Variants in SOCS2 observed in about 807,000 individuals in gnomAD.
SOCS2 encodes the protein suppressor of cytokine signaling 2.
A neutral mutation model predicts 18.6 loss-of-function variants in SOCS2; 10 were observed. The ratio of observed to expected loss-of-function variants is 0.54; its 90% confidence interval spans 0.33 to 0.91. The LOEUF is 0.91. Among genes scored for constraint, SOCS2 ranks in the 40% least tolerant of loss-of-function variants. SOCS2 has a pLI of 0.02. For synonymous variants in SOCS2, 104 were observed against 104.0 expected, an observed-to-expected ratio of 1.00 and a Z score of 0.00; for missense variants, 231 against 247.2, an observed-to-expected ratio of 0.93 and a Z score of 0.44.
the SOCS2 span, among the ~76,000 whole-genome samples, chr12:93,604,682 C>A: frequency 2.0e-5 from 3 of 151,888 alleles, no homozygotes; most frequent in Non-Finnish European, 4.4e-5. Context: ...TTTTTTGAGA[C>A]AGGGTTTCGT....
chr12:93,603,149 A>G, the SOCS2 span, among the ~76,000 whole-genome samples: 2 of 152,154 alleles, frequency 1.3e-5, no homozygotes, highest in African/African-American at 4.8e-5. Flanking sequence ...TTGCTTGCAA[A>G]AAATAGCTGG....
rs1308510854 is a variant in SOCS2, at chr12:93,574,488, A to T, written c.140-234A>T. ...AAGAGCTTCAGAAAGTTGATTTTTTAAAAAAGAAAGAAAACTGGCTCGCCG... is the reference window on the plus strand; with the variant it reads ...AAGAGCTTCAGAAAGTTGATTTTTTTAAAAAGAAAGAAAACTGGCTCGCCG... On this transcript the variant is annotated intron_variant, in intron 1 of 1. Transcript: ENST00000551556. 9 of 375,224 alleles carry T rather than the reference A, an allele frequency of 2.4e-5. No individual in the cohort carries two copies. In the East Asian group the frequency reaches 3.4e-4, roughly 14 times the overall value. The allele number at this position is 375,224 out of a possible 1,614,324, so 23.2% of individuals were successfully genotyped here. A position where few individuals can be genotyped will look rare whatever the true frequency, so the allele number is the denominator to read the frequency against.
the SOCS2 span, among the ~76,000 whole-genome samples, chr12:93,619,106 C>T: frequency 0.018 from 2,759 of 152,316 alleles, 100 homozygotes; most frequent in African/African-American, 0.063. Flanking sequence ...GCTATCCCCA[C>T]CGGTAGAACT....
At chr12:93,591,863 G>T in the SOCS2 span, among the ~76,000 whole-genome samples, 3 of 152,306 alleles carry the variant, frequency 2.0e-5, no homozygotes, top group East Asian at 5.8e-4. Context: ...ATCTTTTCAC[G>T]TAGTCTTAAG....
chr12:93,618,268 T>C, the SOCS2 span, among the ~76,000 whole-genome samples: 3 of 152,192 alleles, frequency 2.0e-5, no homozygotes, highest in Non-Finnish European at 4.4e-5. Context: ...CTCTTTTCTT[T>C]ATAAATTACC....
downstream of SOCS2, among the ~76,000 whole-genome samples, chr12:93,583,783 G>A (rs1324723266): frequency 6.6e-6 from 1 of 152,198 alleles, no homozygotes. Context: ...ATTTACTAAT[G>A]CCAGGTGTTG....
chr12:93,614,569 T>C, the SOCS2 span, among the ~76,000 whole-genome samples: 4 of 71,942 alleles, frequency 5.6e-5, no homozygotes, highest in East Asian at 3.4e-4. Flanking sequence ...CTTTCTTTCT[T>C]TCTTTCTTTC....
the SOCS2 span, among the ~76,000 whole-genome samples, chr12:93,612,683 T>G: frequency 6.6e-6 from 1 of 152,222 alleles, no homozygotes; most frequent in African/African-American, 2.4e-5. Context: ...GTGTATATTC[T>G]CAGTCTATCA....
At chr12:93,592,917 CTTT>C in the SOCS2 span, among the ~76,000 whole-genome samples, 23,191 of 106,686 alleles carry the variant, frequency 0.22, 1,823 homozygotes, top group East Asian at 0.36. Context: ...ACTGAGAAAG[CTTT>C]TTTTTTTTTT....
intron 1 of SOCS2, chr12:93,573,500 G>A (rs1954338700): frequency 1.0e-5 from 3 of 285,786 alleles, no homozygotes; most frequent in South Asian, 1.5e-4. Context: ...ACACTGCCGC[G>A]AGGGCGGCTG....
chr12:93,611,793 G>A, the SOCS2 span, among the ~76,000 whole-genome samples: 1 of 152,042 alleles, frequency 6.6e-6, no homozygotes, highest in Non-Finnish European at 1.5e-5. Flanking sequence ...ATATTTTATT[G>A]TATTGTTTCA....
At chr12:93,610,736 C>T in the SOCS2 span, among the ~76,000 whole-genome samples, 23 of 152,124 alleles carry the variant, frequency 1.5e-4, no homozygotes, top group African/African-American at 5.6e-4. Flanking sequence ...TGCCCTTCCA[C>T]CATGTAAGAA....
the SOCS2 span, among the ~76,000 whole-genome samples, chr12:93,597,101 C>G: frequency 1.3e-5 from 2 of 152,170 alleles, no homozygotes; most frequent in Non-Finnish European, 2.9e-5. Context: ...TTGGCTACAT[C>G]TTTTGTAACT....
chr12:93,575,146 A>G lies in SOCS2; in HGVS notation c.564A>G (p.Lys188=). The part of the protein sequence containing the change: ...IWGLPLPTRL[K]DYLEEYKFQV ...GACTGCCTTTACCAACAAGACTAAA[A>G]GATTACTTGGAAGAATATAAATTCC... is the stretch of plus-strand genomic sequence containing the variant. The change falls in exon 2 of 2, where the codon AAA becomes AAG. Residue 188 remains lysine (K), a synonymous_variant. Transcript: ENST00000551556. The G allele has an allele frequency of 1.3e-6, 2 of 1,564,450 alleles. No individual in the cohort carries two copies. Among genetic ancestry groups the G allele is most frequent in the Non-Finnish European group, 1.7e-6 (2 of 1,161,102 alleles).
chr12:93,577,261 C>T (rs1954479941), downstream of SOCS2, among the ~76,000 whole-genome samples: 1 of 152,166 alleles, frequency 6.6e-6, no homozygotes, highest in Non-Finnish European at 1.5e-5. Context: ...GCCATGAAAC[C>T]TATTGCCTTA....
chr12:93,612,434 C>T, the SOCS2 span, among the ~76,000 whole-genome samples: 2,678 of 152,184 alleles, frequency 0.018, 95 homozygotes, highest in African/African-American at 0.061. Context: ...AAAGGTCATT[C>T]CATATTTACA....
the SOCS2 span, among the ~76,000 whole-genome samples, chr12:93,611,731 C>G: frequency 6.6e-6 from 1 of 152,192 alleles, no homozygotes; most frequent in African/African-American, 2.4e-5. Flanking sequence ...CCAATTTCTG[C>G]AGTCCCCAAA....
At chr12:93,571,719 G>T, upstream of SOCS2, 1 of 290,684 alleles carries the variant, frequency 3.4e-6, no homozygotes, top group Non-Finnish European at 6.9e-6. Context: ...TCCGACCGCC[G>T]CCTCCGAGCG....
chr12:93,587,420 G>A (rs866162), downstream of SOCS2, among the ~76,000 whole-genome samples: 8 of 152,202 alleles, frequency 5.3e-5, no homozygotes, highest in Admixed American at 2.6e-4. Context: ...AGTGGCTCAC[G>A]CCTGTAATCC....
Sources: gnomAD v4.1 joint callset for allele counts (sites outside exome capture counted in the v4.1 genomes callset) on GRCh38, gnomAD v4.1.1 for gene constraint, MANE v1.5 for transcripts, NCBI Gene and HGNC (gene_info 2026-07-23, HGNC 2026-07-21) for gene names.